Variants in SDK1 observed in about 807,000 individuals in gnomAD.
SDK1 encodes protein sidekick-1.
In SDK1, 157 loss-of-function variants were observed where a neutral mutation model predicts 245.5. The ratio of observed to expected loss-of-function variants is 0.64; its 90% CI spans 0.56 to 0.73. The LOEUF (loss-of-function observed/expected upper bound fraction) is 0.73. SDK1 is among the 30% of genes least tolerant of loss of function. The pLI is 0.00. For synonymous variants in SDK1, 1,647 were observed against 1,278.5 expected, an observed-to-expected ratio of 1.29 and a Z score of -6.15; for missense variants, 3,583 against 3,002.3, an observed-to-expected ratio of 1.19 and a Z score of -4.52.
At chr7:3,494,783 G>A (rs1262830677) in intron 1 of SDK1, among the ~76,000 whole-genome samples, 1 of 152,148 alleles carries the variant, frequency 6.6e-6, no homozygotes, top group Non-Finnish European at 1.5e-5. Flanking sequence ...TCACCTCATT[G>A]GTTGATTATG....
intron 29 of SDK1, 141 bp downstream of exon 29, chr7:4,146,057 C>T (rs1779952556): frequency 3.0e-6 from 2 of 670,290 alleles, no homozygotes; most frequent in Admixed American, 3.0e-5. Context: ...ATTTACAAAG[C>T]ACCCATTGCA....
In SDK1 at chr7:4,178,485, A is replaced by G; in HGVS notation, c.4997A>G (p.His1666Arg). Residue 1666 changes from histidine (H) to arginine (R), a missense_variant and splice_region_variant, in exon 35 of 45, where the codon CAT (histidine) becomes CGT (arginine). Transcript: ENST00000404826. ...ATCCATATTTCCTTCAACCCTGCAG[A>G]TTTAAAGAAGTACCGGCGCTATGAA... Reference protein sequence around the residue: ...SSTSTMCELTHLKKYRRYEVI... With the variant: ...SSTSTMCELTRLKKYRRYEVI... The G allele has an allele frequency of 1.9e-6, 3 of 1,610,882 alleles. No individual in the cohort carries two copies. The highest frequency in any genetic ancestry group is 2.5e-6 in the Non-Finnish European group (3 of 1,177,064).
At chr7:4,170,709 A>G (rs1280968933) in intron 32 of SDK1, among the ~76,000 whole-genome samples, 2 of 152,246 alleles carry the variant, frequency 1.3e-5, no homozygotes, top group African/African-American at 2.4e-5. Context: ...ATGTGATTCT[A>G]TAGACTCCAC....
intron 1 of SDK1, among the ~76,000 whole-genome samples, chr7:3,502,493 A>T (rs568260951): frequency 2.0e-5 from 3 of 152,160 alleles, no homozygotes; most frequent in African/African-American, 7.2e-5. Flanking sequence ...CAGGTGATCC[A>T]CCGCCTTGGC....
chr7:3,621,928 G>T (rs547113945), intron 2 of SDK1, among the ~76,000 whole-genome samples: 1 of 152,108 alleles, frequency 6.6e-6, no homozygotes, highest in Non-Finnish European at 1.5e-5. Flanking sequence ...AAACCCTTCT[G>T]TTTTTTACTT....
intron 28 of SDK1, among the ~76,000 whole-genome samples, chr7:4,135,132 T>C (rs940133985): frequency 3.3e-5 from 5 of 152,238 alleles, no homozygotes; most frequent in Admixed American, 2.6e-4. Context: ...TCGTTTACTT[T>C]CCAGACTGTC....
chr7:4,245,358 C>T (rs751450445), intron 43 of SDK1, among the ~76,000 whole-genome samples: 3 of 152,156 alleles, frequency 2.0e-5, no homozygotes, highest in East Asian at 1.9e-4. Context: ...CTAAGCTCCC[C>T]GGCCTCCTAT....
chr7:3,959,032 G>C lies in SDK1; in HGVS notation c.1234+18G>C. ...AGCCATGGGTGAGTGCAGAGTGGCT[G>C]CTGGACAAGGAGCCATGACTGGGAG... On this transcript the variant is annotated intron_variant, in intron 8 of 44. Coordinates refer to ENST00000404826, the MANE Select transcript of SDK1 (RefSeq NM_152744.4). The C allele has an allele frequency of 6.3e-7, 1 of 1,576,052 alleles. No homozygotes were observed. Among genetic ancestry groups the C allele is most frequent in the Non-Finnish European group, 8.7e-7 (1 of 1,145,638 alleles).
chr7:4,155,975 A>C (rs1780707155), intron 30 of SDK1, among the ~76,000 whole-genome samples: 1 of 152,196 alleles, frequency 6.6e-6, no homozygotes, highest in South Asian at 2.1e-4. Flanking sequence ...ATACTTGCAG[A>C]TCCATAGGAA....
chr7:4,045,847 T>C (rs568464263), intron 17 of SDK1, among the ~76,000 whole-genome samples: 1 of 152,352 alleles, frequency 6.6e-6, no homozygotes, highest in African/African-American at 2.4e-5. Context: ...GGATTTCCTG[T>C]CGTTCTATTG....
chr7:3,511,744 C>T (rs1922011), intron 1 of SDK1, among the ~76,000 whole-genome samples: 30,073 of 151,316 alleles, frequency 0.2, 3,330 homozygotes, highest in South Asian at 0.37. Flanking sequence ...AATAAGCATA[C>T]AAAATCAACC....
At chr7:3,428,136 T>C (rs1193715779) in intron 1 of SDK1, among the ~76,000 whole-genome samples, 1 of 152,236 alleles carries the variant, frequency 6.6e-6, no homozygotes, top group African/African-American at 2.4e-5. Context: ...CCAACTCAGA[T>C]GCACAGTGAC....
intron 4 of SDK1, among the ~76,000 whole-genome samples, chr7:3,787,727 C>A (rs1338714698): frequency 1.3e-5 from 2 of 152,156 alleles, no homozygotes; most frequent in African/African-American, 4.8e-5. Flanking sequence ...CAGAGATGCT[C>A]TCTAAAAAAC....
In SDK1 at chr7:3,790,535, G is replaced by A. The variant is rs115085183; in HGVS notation, c.714-30915G>A. Among the ~76,000 whole-genome samples, 852 of 152,308 alleles carry A rather than the reference G, an allele frequency of 5.6e-3. 9 individuals carry two copies. Among genetic ancestry groups the A allele is most frequent in the African/African-American group, 0.02 (819 of 41,572 alleles). On this transcript the variant is annotated intron_variant, in intron 4 of 44. Transcript: ENST00000404826. ...TAAAAAGTCTAACAGTCGGCCAGGC[G>A]TGGTGGTCACACCTGTAATCCCAGC...
chr7:4,168,092 G>A (rs1447048523), intron 32 of SDK1, among the ~76,000 whole-genome samples: 2 of 152,218 alleles, frequency 1.3e-5, no homozygotes, highest in Non-Finnish European at 2.9e-5. Context: ...GCAGGCCCGG[G>A]CATCTCTGTG....
chr7:4,234,561 G>A (rs890930041), intron 41 of SDK1, among the ~76,000 whole-genome samples: 3 of 152,144 alleles, frequency 2.0e-5, no homozygotes, highest in African/African-American at 4.8e-5. Context: ...AGCCGTGGGT[G>A]GGGGAGCTGG....
chr7:4,161,714 G>A (rs1459073307), intron 31 of SDK1, 72 bp from the exon 32 acceptor site: 1 of 1,251,226 alleles, frequency 8.0e-7, no homozygotes. Flanking sequence ...TACTCACTGA[G>A]GGTGGCCCTG....
At chr7:3,822,885 G>T (rs1779681118) in intron 5 of SDK1, among the ~76,000 whole-genome samples, 1 of 152,092 alleles carries the variant, frequency 6.6e-6, no homozygotes, top group Admixed American at 6.5e-5. Flanking sequence ...GTGAATCTTT[G>T]TAGCAAACTC....
chr7:3,619,843 G>A (rs1185298046), intron 2 of SDK1, among the ~76,000 whole-genome samples: 1 of 152,242 alleles, frequency 6.6e-6, no homozygotes. Context: ...GCCTGAACCT[G>A]TGGCAGAGCA....
Sources: allele counts gnomAD v4.1 joint callset (sites outside exome capture counted in the v4.1 genomes callset), GRCh38; gene constraint gnomAD v4.1.1; transcripts MANE v1.5; gene names NCBI Gene and HGNC (gene_info 2026-07-23, HGNC 2026-07-21).